The following SORCS1 variants were observed in gnomAD, a reference collection of about 807,000 sequenced individuals.
The protein encoded by SORCS1 is sortilin related VPS10 domain containing receptor 1.
SORCS1 carries 60 observed loss-of-function variants against 146.1 expected under a neutral mutation model. That is an observed-to-expected ratio of 0.41 (90% CI 0.33 to 0.51). The LOEUF is 0.51. SORCS1 is among the 20% of genes least tolerant of loss of function. SORCS1 has a pLI of 0.21. For missense variants in SORCS1, 1,352 were observed against 1,487.6 expected (o/e 0.91, Z 1.50); for synonymous variants, 637 against 584.0 (o/e 1.09, Z -1.31).
chr10:106,663,208 T>C (rs6584759), intron 17 of SORCS1, among the ~76,000 whole-genome samples: 33,154 of 152,050 alleles, frequency 0.22, 4,316 homozygotes, highest in African/African-American at 0.36. Context: ...AATGAGAAAG[T>C]GCCCTTATAT....
At chr10:106,776,500 G>C (rs1194073454) in intron 4 of SORCS1, 34 bp downstream of exon 4, 1 of 1,610,124 alleles carries the variant, frequency 6.2e-7, no homozygotes, top group Admixed American at 1.7e-5. Context: ...GGAGAACCAT[G>C]CTTCATTGTC....
intron 5 of SORCS1, among the ~76,000 whole-genome samples, chr10:106,739,546 T>A (rs1450206924): frequency 1.3e-5 from 2 of 150,844 alleles, no homozygotes; most frequent in East Asian, 1.9e-4. Context: ...TGGTGGCTCA[T>A]GCCTGTAATC....
At chr10:107,073,133 A>T (rs1962583874) in intron 1 of SORCS1, among the ~76,000 whole-genome samples, 1 of 152,186 alleles carries the variant, frequency 6.6e-6, no homozygotes. Flanking sequence ...TTCTTGTATA[A>T]TTCTTTCCTA....
chr10:106,964,818 T>C (rs1955425924), intron 1 of SORCS1, among the ~76,000 whole-genome samples: 1 of 151,648 alleles, frequency 6.6e-6, no homozygotes, highest in Non-Finnish European at 1.5e-5. Context: ...CTTGCTATGT[T>C]GCCTAGGCTG....
intron 3 of SORCS1, among the ~76,000 whole-genome samples, chr10:106,813,629 A>G (rs1009872656): frequency 1.3e-5 from 2 of 152,088 alleles, no homozygotes; most frequent in African/African-American, 4.8e-5. Context: ...ATTGTTGGCA[A>G]CTCTAATCTT....
At chr10:106,957,904 G>A (rs1955039963) in intron 1 of SORCS1, among the ~76,000 whole-genome samples, 1 of 152,166 alleles carries the variant, frequency 6.6e-6, no homozygotes, top group African/African-American at 2.4e-5. Flanking sequence ...GACGCCAGAA[G>A]AGAACACAAA....
intron 3 of SORCS1, among the ~76,000 whole-genome samples, chr10:106,822,782 G>GTTTTTTTTTTTTTTTTTTTTTTTTTTTT (rs1158921880): frequency 4.4e-5 from 5 of 113,168 alleles, no homozygotes; most frequent in Non-Finnish European, 5.2e-5. Flanking sequence ...TTCATGTGTG[G>GTTTTTTTTTTTTTTTTTTTTTTTTTTTT]TTTTTTTTTT....
intron 1 of SORCS1, 124 bp from the exon 2 acceptor site, chr10:106,956,704 C>A: frequency 1.2e-6 from 1 of 800,596 alleles, no homozygotes; most frequent in South Asian, 1.7e-5. Context: ...TGAATTGTTA[C>A]AGCATTTGCC....
intron 1 of SORCS1, among the ~76,000 whole-genome samples, chr10:106,964,123 A>C (rs922288614): frequency 6.6e-6 from 1 of 152,194 alleles, no homozygotes; most frequent in Non-Finnish European, 1.5e-5. Context: ...GAGCATTAAG[A>C]AAAGGTCAAG....
At chr10:107,065,448 T>TTTCTTTCTTTCTTTC (rs147159020) in intron 1 of SORCS1, among the ~76,000 whole-genome samples, 2 of 121,562 alleles carry the variant, frequency 1.6e-5, no homozygotes, top group African/African-American at 3.4e-5. Flanking sequence ...TCTTTCTTTC[T>TTTCTTTCTTTCTTTC]TTTCTCTCTT....
At position 106,735,231 on chromosome 10, in the gene SORCS1, A is replaced by G. The variant is rs35780327; in HGVS notation, c.960-5117T>C. ...CAAAATTATTGATTGTCATAAGTCAATAGACAAAAAATGAGTCAATGGCTC... is the reference window on the plus strand; with the variant it reads ...CAAAATTATTGATTGTCATAAGTCAGTAGACAAAAAATGAGTCAATGGCTC... On this transcript the variant is annotated intron_variant, in intron 5 of 25. Coordinates refer to ENST00000263054, the MANE Select transcript of SORCS1 (RefSeq NM_052918.5). Among the ~76,000 whole-genome samples, 1,298 of 152,300 alleles carry G rather than the reference A, an allele frequency of 8.5e-3. 4 individuals carry two copies. Among genetic ancestry groups the G allele is most frequent in the Non-Finnish European group, 0.013 (904 of 68,030 alleles).
intron 2 of SORCS1, among the ~76,000 whole-genome samples, chr10:106,922,233 G>A (rs987588371): frequency 3.3e-5 from 5 of 152,090 alleles, no homozygotes; most frequent in Admixed American, 6.5e-5. Flanking sequence ...GGTGACATAC[G>A]CTAAACACAC....
At chr10:106,902,237 G>C (rs1442815963) in intron 2 of SORCS1, among the ~76,000 whole-genome samples, 1 of 151,990 alleles carries the variant, frequency 6.6e-6, no homozygotes, top group Non-Finnish European at 1.5e-5. Context: ...CCCTCAACTT[G>C]ACCTAGCAAT....
intron 16 of SORCS1, among the ~76,000 whole-genome samples, chr10:106,669,178 A>C (rs1207175571): frequency 6.6e-6 from 1 of 152,082 alleles, no homozygotes; most frequent in East Asian, 1.9e-4. Context: ...GGAGAGGAGA[A>C]ATCTAATTGC....
intron 2 of SORCS1, among the ~76,000 whole-genome samples, chr10:106,897,632 G>T (rs1951539024): frequency 6.6e-6 from 1 of 151,904 alleles, no homozygotes; most frequent in Admixed American, 6.6e-5. Flanking sequence ...ATGTGTGCTT[G>T]TGTATGTGAC....
intron 6 of SORCS1, among the ~76,000 whole-genome samples, chr10:106,717,199 G>A (rs1855436562): frequency 6.6e-6 from 1 of 152,156 alleles, no homozygotes; most frequent in African/African-American, 2.4e-5. Context: ...AGATTTTAAA[G>A]CCCATACAAG....
chr10:107,136,819 T>A (rs1236745256), intron 1 of SORCS1, among the ~76,000 whole-genome samples: 2 of 152,044 alleles, frequency 1.3e-5, no homozygotes, highest in African/African-American at 4.8e-5. Flanking sequence ...GCTAATTCGG[T>A]CTACACTGAC....
chr10:107,052,580 C>A (rs1960218249), intron 1 of SORCS1, among the ~76,000 whole-genome samples: 1 of 152,150 alleles, frequency 6.6e-6, no homozygotes, highest in Non-Finnish European at 1.5e-5. Context: ...TAAGTATCAG[C>A]ACTTTAAAGG....
At chr10:106,699,463 A>G (rs1853967247) in intron 8 of SORCS1, 70 bp from the exon 9 acceptor site, 1 of 1,401,090 alleles carries the variant, frequency 7.1e-7, no homozygotes, top group African/African-American at 1.5e-5. Context: ...GCATCCAAAG[A>G]GTGTGGAATC....
Sources: allele counts gnomAD v4.1 joint callset (sites outside exome capture counted in the v4.1 genomes callset), GRCh38; gene constraint gnomAD v4.1.1; transcripts MANE v1.5; gene names NCBI Gene and HGNC (gene_info 2026-07-23, HGNC 2026-07-21).